TRAPPC3L: variants seen among roughly 807,000 people sequenced by gnomAD.
TRAPPC3L encodes trafficking protein particle complex subunit 3-like protein.
A neutral mutation model predicts 23.7 loss-of-function variants in TRAPPC3L; 23 were observed. The ratio of observed to expected loss-of-function variants is 0.97; its 90% CI spans 0.70 to 1.37. TRAPPC3L has a LOEUF of 1.37. Among genes scored for constraint, TRAPPC3L ranks in the 40% most tolerant of loss-of-function variants. The pLI is 0.00. For synonymous variants in TRAPPC3L, 81 were observed against 77.9 expected, an observed-to-expected ratio of 1.04 and a Z score of -0.21; for missense variants, 212 against 216.8, an observed-to-expected ratio of 0.98 and a Z score of 0.14.
At chr6:116,516,686 TATATATATATATATATATATATAC>T (rs1269173012) in intron 3 of TRAPPC3L, 6 of 64,902 alleles carry the variant, frequency 9.2e-5, no homozygotes, top group African/African-American at 2.1e-4. Flanking sequence ...TATATATATA[TATATATATATATATATATATATAC>T]ACACACACAG....
At chr6:116,535,227 T>A (rs1305969405) in intron 3 of TRAPPC3L, among the ~76,000 whole-genome samples, 1 of 152,150 alleles carries the variant, frequency 6.6e-6, no homozygotes. Context: ...CTGAAAGAGG[T>A]CTCTTCTGAC....
At chr6:116,509,334 G>A (rs1322335896) in intron 3 of TRAPPC3L, among the ~76,000 whole-genome samples, 1 of 151,882 alleles carries the variant, frequency 6.6e-6, no homozygotes, top group East Asian at 1.9e-4. Context: ...CACAGAATTA[G>A]AAAAAACAAT....
intron 2 of TRAPPC3L, among the ~76,000 whole-genome samples, chr6:116,542,549 C>A (rs562056475): frequency 6.6e-6 from 1 of 152,134 alleles, no homozygotes; most frequent in South Asian, 2.1e-4. Context: ...CTGTTAGAGT[C>A]CTCTTCAGAG....
chr6:116,497,100 G>A (rs1161025061), intron 4 of TRAPPC3L, 27 bp from the exon 5 acceptor site: 2 of 1,506,638 alleles, frequency 1.3e-6, no homozygotes, highest in South Asian at 1.3e-5. Flanking sequence ...AAACAGGCCT[G>A]TGTCATTCAA....
chr6:116,515,025 C>T (rs1477984835), intron 3 of TRAPPC3L, among the ~76,000 whole-genome samples: 1 of 152,054 alleles, frequency 6.6e-6, no homozygotes, highest in Non-Finnish European at 1.5e-5. Flanking sequence ...TTCTAATTAC[C>T]AAAAATCAAG....
At chr6:116,498,000 A>T (rs748390479) in intron 4 of TRAPPC3L, among the ~76,000 whole-genome samples, 5 of 152,224 alleles carry the variant, frequency 3.3e-5, no homozygotes, top group Non-Finnish European at 7.3e-5. Flanking sequence ...CCGGCCTTGC[A>T]ATGCCTACCA....
chr6:116,535,637 A>G (rs1773026627), intron 3 of TRAPPC3L, among the ~76,000 whole-genome samples: 1 of 152,226 alleles, frequency 6.6e-6, no homozygotes, highest in Non-Finnish European at 1.5e-5. Context: ...ATAAACAGAA[A>G]GACATATAGG....
Position 116,517,771 on chromosome 6 carries a change from G to A in TRAPPC3L, c.241-17105C>T, listed in dbSNP as rs1421825498. ...CCTCAGAATAGGGTCTGGTTGCCAC[G>A]GGAACCAACCATGTGTTTAGAGGGT... On this transcript the variant is annotated intron_variant, in intron 3 of 4. Transcript: ENST00000368602. 3.9e-5 allele frequency: 6 copies of A among 152,244 alleles called. No individual in the cohort carries two copies. The East Asian group carries it at 1.2e-3, about 29-fold the overall frequency. 9.4% of individuals were successfully genotyped at this position (152,244 alleles called of 1,614,324 possible). A position where few individuals can be genotyped will look rare whatever the true frequency, so the allele number is the denominator to read the frequency against.
chr6:116,498,853 G>A (rs750192782), intron 4 of TRAPPC3L, among the ~76,000 whole-genome samples: 3 of 152,016 alleles, frequency 2.0e-5, no homozygotes, highest in Non-Finnish European at 2.9e-5. Context: ...TTCAGCCTTT[G>A]TGCCCTCTGT....
In TRAPPC3L at chr6:116,540,474, G is replaced by T. The variant is rs1291157598; in HGVS notation, c.141-12C>A. ...CAATGCCGTAACCCCTGTGGATGACGGAAAGAGTGTGGTCTGAAAATTCTA... is the reference window on the plus strand; with the variant it reads ...CAATGCCGTAACCCCTGTGGATGACTGAAAGAGTGTGGTCTGAAAATTCTA... On this transcript the variant is annotated splice_polypyrimidine_tract_variant and intron_variant, in intron 2 of 4. Coordinates refer to ENST00000368602, the MANE Select transcript of TRAPPC3L (RefSeq NM_001139444.3). 2.6e-6 allele frequency: 4 copies of T among 1,549,566 alleles called. No homozygotes were observed. The South Asian group carries it at 4.8e-5, about 19-fold the overall frequency.
At chr6:116,514,783 T>C (rs1327700870) in intron 3 of TRAPPC3L, among the ~76,000 whole-genome samples, 1 of 152,240 alleles carries the variant, frequency 6.6e-6, no homozygotes, top group African/African-American at 2.4e-5. Context: ...AGATTATTAT[T>C]TCTATTTTCA....
chr6:116,543,764 G>C, intron 1 of TRAPPC3L: 1 of 1,444,538 alleles, frequency 6.9e-7, no homozygotes, highest in Non-Finnish European at 9.3e-7. Context: ...CATGTTTTCA[G>C]TTGGAAGCAA....
rs367705348 is a variant in TRAPPC3L, at chr6:116,512,172, G to A, written c.241-11506C>T. The A allele has an allele frequency of 3.5e-5, 57 of 1,611,570 alleles. No homozygotes were observed. Among genetic ancestry groups the A allele is most frequent in the Non-Finnish European group, 4.7e-5 (55 of 1,179,934 alleles). ...GAAGAACTTCACAAAGTATCTTGTG[G>A]CAAAACTAGCATGCTACCTACCGTC... On this transcript the variant is annotated intron_variant, in intron 3 of 4. Transcript: ENST00000368602.
chr6:116,498,184 C>T (rs1172548149), intron 4 of TRAPPC3L, among the ~76,000 whole-genome samples: 1 of 152,162 alleles, frequency 6.6e-6, no homozygotes. Flanking sequence ...GGTCTGATAC[C>T]AGCTGTCATT....
intron 3 of TRAPPC3L, among the ~76,000 whole-genome samples, chr6:116,503,061 T>C (rs1033961356): frequency 6.6e-6 from 1 of 152,166 alleles, no homozygotes; most frequent in Non-Finnish European, 1.5e-5. Flanking sequence ...ATGCCCCAAT[T>C]AAAAGACACA....
chr6:116,533,613 G>A (rs1221233888), intron 3 of TRAPPC3L, among the ~76,000 whole-genome samples: 1 of 152,242 alleles, frequency 6.6e-6, no homozygotes, highest in Non-Finnish European at 1.5e-5. Flanking sequence ...CATGCCTTCT[G>A]TACTGGTTGT....
chr6:116,504,079 A>C (rs981621448), intron 3 of TRAPPC3L, among the ~76,000 whole-genome samples: 1 of 152,200 alleles, frequency 6.6e-6, no homozygotes, highest in Non-Finnish European at 1.5e-5. Flanking sequence ...CAAAAAATCA[A>C]TGAATCCAGG....
rs948254057 is a variant in TRAPPC3L at position 116,495,260 on chromosome 6, A to T, written c.*1694T>A. The T allele has an allele frequency of 6.6e-6, 1 of 152,042 alleles. No individual in the cohort carries two copies. The highest frequency in any genetic ancestry group is 2.4e-5 in the African/African-American group (1 of 41,380). 9.4% of individuals were successfully genotyped at this position (152,042 alleles called of 1,614,324 possible). On this transcript the variant is annotated 3_prime_UTR_variant, in exon 5 of 5. Coordinates refer to ENST00000368602, the MANE Select transcript of TRAPPC3L (RefSeq NM_001139444.3). ...TTAGCTCCTACAAATAAATGAGAAC[A>T]TGCAAAGTCTGTCTTTCTGTCCTGA...
intron 3 of TRAPPC3L, among the ~76,000 whole-genome samples, chr6:116,509,413 T>A (rs1459141162): frequency 6.6e-6 from 1 of 151,800 alleles, no homozygotes; most frequent in African/African-American, 2.4e-5. Flanking sequence ...AAAGAATAAA[T>A]CTGGAGGCAT....
Sources: gnomAD v4.1 joint callset for allele counts (sites outside exome capture counted in the v4.1 genomes callset) on GRCh38, gnomAD v4.1.1 for gene constraint, MANE v1.5 for transcripts, NCBI Gene and HGNC (gene_info 2026-07-23, HGNC 2026-07-21) for gene names.